KAZN: variants seen among roughly 807,000 people sequenced by gnomAD.
KAZN encodes the protein kazrin, periplakin interacting protein.
Under a neutral mutation model 87.4 loss-of-function variants are expected in KAZN, and 40 were observed. The observed-to-expected ratio is 0.46, with a 90% CI of 0.36 to 0.60. KAZN has a LOEUF of 0.60. KAZN is among the 20% of genes least tolerant of loss of function. The pLI is 0.00. For missense variants in KAZN, 898 were observed against 1,073.9 expected, an observed-to-expected ratio of 0.84 and a Z score of 2.29; for synonymous variants, 466 against 458.3, an observed-to-expected ratio of 1.02 and a Z score of -0.22.
intron 2 of KAZN, among the ~76,000 whole-genome samples, chr1:15,007,076 A>AG (rs1669099507): frequency 6.8e-6 from 1 of 146,878 alleles, no homozygotes; most frequent in East Asian, 2.0e-4. Flanking sequence ...AAAAAAAAAA[A>AG]AGAAAAACAG....
chr1:14,264,916 T>A (rs944467695), intron 2 of KAZN, among the ~76,000 whole-genome samples: 1 of 152,246 alleles, frequency 6.6e-6, no homozygotes, highest in Non-Finnish European at 1.5e-5. Context: ...CTTTGTTACA[T>A]CTGCAAAGTC....
chr1:14,665,438 G>A (rs1176404644), intron 1 of KAZN, among the ~76,000 whole-genome samples: 1 of 152,114 alleles, frequency 6.6e-6, no homozygotes, highest in Non-Finnish European at 1.5e-5. Context: ...GTCATGCAAT[G>A]GTTTCAGTCC....
At chr1:14,733,133 G>A (rs551056839) in intron 1 of KAZN, among the ~76,000 whole-genome samples, 3 of 152,230 alleles carry the variant, frequency 2.0e-5, no homozygotes, top group African/African-American at 7.2e-5. Flanking sequence ...CTGCAAAGCG[G>A]ATCAGCTCTG....
intron 1 of KAZN, among the ~76,000 whole-genome samples, chr1:14,143,560 A>G (rs1466991768): frequency 1.3e-5 from 2 of 152,116 alleles, no homozygotes; most frequent in Non-Finnish European, 2.9e-5. Context: ...ATTGTGTCAG[A>G]ATTTTTGTGA....
chr1:14,375,301 C>T (rs368736228), intron 2 of KAZN, among the ~76,000 whole-genome samples: 19 of 152,142 alleles, frequency 1.2e-4, no homozygotes, highest in African/African-American at 4.6e-4. Context: ...AGGAAGGCCC[C>T]AGGTATGCTA....
At chr1:14,557,065 G>T (rs1673927029) in intron 2 of KAZN, among the ~76,000 whole-genome samples, 1 of 152,026 alleles carries the variant, frequency 6.6e-6, no homozygotes, top group Non-Finnish European at 1.5e-5. Context: ...AGCTACACAA[G>T]AAATAGCAGG....
chr1:14,215,567 T>C (rs1251727351), intron 2 of KAZN, among the ~76,000 whole-genome samples: 5 of 152,224 alleles, frequency 3.3e-5, no homozygotes, highest in African/African-American at 1.2e-4. Context: ...TGAATAGCCT[T>C]AACTTTCTGC....
chr1:14,946,333 T>TA, intron 1 of KAZN, among the ~76,000 whole-genome samples: 1 of 141,184 alleles, frequency 7.1e-6, no homozygotes, highest in African/African-American at 3.0e-5. Context: ...TTTTTTTTTT[T>TA]AATTCTCTCT....
intron 13 of KAZN, among the ~76,000 whole-genome samples, chr1:15,109,941 G>T (rs111203775): frequency 4.9e-4 from 7 of 14,190 alleles, no homozygotes; most frequent in African/African-American, 1.2e-3. Flanking sequence ...GTGTGTGTGT[G>T]TTTGTGTATG....
chr1:14,831,002 C>T (rs1647034017), intron 1 of KAZN, among the ~76,000 whole-genome samples: 1 of 152,212 alleles, frequency 6.6e-6, no homozygotes, highest in Non-Finnish European at 1.5e-5. Context: ...TCATGCTGTG[C>T]ATCCCATCTG....
At chr1:14,632,508 A>G (rs1264886639) in intron 1 of KAZN, among the ~76,000 whole-genome samples, 1 of 151,918 alleles carries the variant, frequency 6.6e-6, no homozygotes, top group Non-Finnish European at 1.5e-5. Context: ...TTATGGTAGA[A>G]GTTCTAAACT....
intron 2 of KAZN, among the ~76,000 whole-genome samples, chr1:14,253,973 G>A (rs956012725): frequency 9.5e-4 from 136 of 143,892 alleles, no homozygotes; most frequent in African/African-American, 3.3e-3. Flanking sequence ...GGGGGTGGGG[G>A]TGCATGCATT....
intron 2 of KAZN, among the ~76,000 whole-genome samples, chr1:14,451,490 A>G (rs1341073953): frequency 2.0e-5 from 3 of 152,064 alleles, no homozygotes; most frequent in Non-Finnish European, 4.4e-5. Context: ...CACAGAATTG[A>G]TGGGAGGCGA....
intron 8 of KAZN, among the ~76,000 whole-genome samples, chr1:15,080,499 T>C (rs1030444219): frequency 6.6e-6 from 1 of 152,130 alleles, no homozygotes. Flanking sequence ...GCTCTCCTCC[T>C]GATGCTCTTC....
intron 1 of KAZN, among the ~76,000 whole-genome samples, chr1:13,981,095 A>ATATATATATG (rs1638660221): frequency 1.9e-5 from 2 of 104,244 alleles, no homozygotes; most frequent in Non-Finnish European, 2.0e-5. Context: ...CTCTTTATAT[A>ATATATATATG]TATATATATA....
chr1:14,936,955 C>T (rs1411225714), intron 1 of KAZN, among the ~76,000 whole-genome samples: 6 of 152,188 alleles, frequency 3.9e-5, no homozygotes, highest in African/African-American at 1.4e-4. Context: ...ACCACCCTGG[C>T]TCATTCCTAC....
Position 14,773,155 on chromosome 1 carries a change from A to G in KAZN, c.226+173932A>G, listed in dbSNP as rs1645068836. 6.6e-6 allele frequency among the ~76,000 whole-genome samples: 1 copy of G among 152,166 alleles called. No homozygotes were observed. Among genetic ancestry groups the G allele is most frequent in the East Asian group, 1.9e-4 (1 of 5,188 alleles). ...TCCTGCATGTGGAAGAAGCTTGGCA[A>G]GATTAGAGGTGCCTGCTCCTTTTGG... is the stretch of plus-strand genomic sequence containing the variant. On this transcript the variant is annotated intron_variant, in intron 1 of 14. Coordinates refer to ENST00000376030, the MANE Select transcript of KAZN (RefSeq NM_201628.3). This position sits in a 1 kb window ranked among gnomAD's most constrained non-coding sequence, Gnocchi z 5.9.
chr1:14,881,416 A>C (rs563957056), intron 1 of KAZN, among the ~76,000 whole-genome samples: 3 of 152,372 alleles, frequency 2.0e-5, no homozygotes, highest in African/African-American at 7.2e-5. Flanking sequence ...GAGGCTACTA[A>C]GGCACAAGAA....
intron 1 of KAZN, among the ~76,000 whole-genome samples, chr1:13,895,053 G>A (rs561205211): frequency 1.5e-4 from 23 of 152,296 alleles, no homozygotes; most frequent in African/African-American, 5.3e-4. Flanking sequence ...ACTCCATAAG[G>A]TCATTGCAAA....
Sources: allele counts gnomAD v4.1 joint callset (sites outside exome capture counted in the v4.1 genomes callset), GRCh38; gene constraint gnomAD v4.1.1; non-coding constraint Gnocchi (gnomAD v3.1); transcripts MANE v1.5; gene names NCBI Gene and HGNC (gene_info 2026-07-23, HGNC 2026-07-21).